FMNL2: variants seen among roughly 807,000 people sequenced by gnomAD.
The protein encoded by FMNL2 is formin like 2.
FMNL2 carries 51 observed loss-of-function variants against 130.2 expected under a neutral mutation model. The observed-to-expected ratio is 0.39, with a 90% CI of 0.31 to 0.49. The LOEUF (loss-of-function observed/expected upper bound fraction) is 0.49. Ranked by LOEUF, FMNL2 falls within the 20% of genes least tolerant of loss-of-function variation. The probability of loss-of-function intolerance (pLI) is 0.85; values close to 1 mark genes in which losing one functional copy is unlikely to be tolerated. For synonymous variants in FMNL2, 465 were observed against 467.1 expected (o/e 1.00, Z 0.06); for missense variants, 977 against 1,316.2 (o/e 0.74, Z 3.99).
At chr2:152,371,035 T>C (rs997044729) in intron 1 of FMNL2, among the ~76,000 whole-genome samples, 5 of 152,194 alleles carry the variant, frequency 3.3e-5, no homozygotes, top group African/African-American at 9.6e-5. Context: ...CCTAATGATA[T>C]AAAGCCTAAG....
rs1330894711 is a variant in FMNL2, at chr2:152,335,426, C to A, written c.-178C>A. 1.8e-5 allele frequency: 6 copies of A among 327,738 alleles called. No individual in the cohort carries two copies. Among genetic ancestry groups the A allele is most frequent in the Non-Finnish European group, 2.7e-5 (5 of 185,406 alleles). 20.3% of individuals were successfully genotyped at this position (327,738 alleles called of 1,614,324 possible). A position where few individuals can be genotyped will look rare whatever the true frequency, so the allele number is the denominator to read the frequency against. On this transcript the variant is annotated 5_prime_UTR_variant, in exon 1 of 26. Transcript: ENST00000288670. ...GAGCATGAGGGAGGCCGGGGGGCGG[C>A]TCGGCTTGGAGCGCTGCTAGGGAGC...
At chr2:152,550,876 G>A (rs771153148) in intron 4 of FMNL2, among the ~76,000 whole-genome samples, 1 of 152,240 alleles carries the variant, frequency 6.6e-6, no homozygotes. Context: ...GGTGGTTCAC[G>A]TCTGTAATCC....
intron 1 of FMNL2, among the ~76,000 whole-genome samples, chr2:152,339,317 C>T (rs560948113): frequency 6.6e-6 from 1 of 152,168 alleles, no homozygotes; most frequent in Non-Finnish European, 1.5e-5. Flanking sequence ...GGGTTACATA[C>T]ACACATCCAC....
intron 9 of FMNL2, among the ~76,000 whole-genome samples, chr2:152,590,653 A>G (rs1459228377): frequency 6.6e-6 from 1 of 152,078 alleles, no homozygotes; most frequent in Admixed American, 6.6e-5. Flanking sequence ...TAGCTGTTCA[A>G]ATAGTTATGA....
chr2:152,562,932 T>C (rs992228400), intron 6 of FMNL2, among the ~76,000 whole-genome samples: 7 of 152,212 alleles, frequency 4.6e-5, no homozygotes, highest in African/African-American at 1.7e-4. Context: ...GTATCATGTA[T>C]TGCCAAGCTA....
intron 9 of FMNL2, among the ~76,000 whole-genome samples, chr2:152,605,694 G>T (rs1009503551): frequency 5.3e-5 from 8 of 152,074 alleles, no homozygotes; most frequent in Admixed American, 5.2e-4. Context: ...ATTATTTTTT[G>T]TTAAGTCAGG....
At chr2:152,593,950 TGTAACTAA>T (rs1262585573) in intron 9 of FMNL2, among the ~76,000 whole-genome samples, 5 of 149,314 alleles carry the variant, frequency 3.3e-5, no homozygotes, top group African/African-American at 4.9e-5. Flanking sequence ...AAATGGGGAT[TGTAACTAA>T]GTAACTAAGG....
intron 9 of FMNL2, among the ~76,000 whole-genome samples, 170 bp from the exon 10 acceptor site, chr2:152,607,169 C>T (rs775634491): frequency 7.2e-5 from 11 of 151,992 alleles, no homozygotes; most frequent in Non-Finnish European, 1.6e-4. Context: ...CTTTTGGTTG[C>T]AGCTCATATG....
intron 1 of FMNL2, among the ~76,000 whole-genome samples, chr2:152,424,585 T>A (rs1159504026): frequency 6.6e-6 from 1 of 152,118 alleles, no homozygotes; most frequent in Admixed American, 6.5e-5. Context: ...GAGACAGGGC[T>A]TCACCATGTT....
intron 1 of FMNL2, among the ~76,000 whole-genome samples, chr2:152,403,896 C>T (rs1685841142): frequency 6.6e-6 from 1 of 152,114 alleles, no homozygotes; most frequent in African/African-American, 2.4e-5. Context: ...GGTGAAACCC[C>T]CTCTCTACTA....
At chr2:152,384,913 C>G (rs1404097591) in intron 1 of FMNL2, among the ~76,000 whole-genome samples, 4 of 152,204 alleles carry the variant, frequency 2.6e-5, no homozygotes, top group African/African-American at 9.7e-5. Flanking sequence ...TCTCCTCATC[C>G]TAACACAGTA....
chr2:152,632,239 G>A, intron 21 of FMNL2, 102 bp downstream of exon 21: 1 of 1,480,870 alleles, frequency 6.8e-7, no homozygotes, highest in Non-Finnish European at 9.0e-7. Flanking sequence ...CATTTAAAAA[G>A]CCAAGGCTAA....
At chr2:152,491,882 C>T (rs1056098168) in intron 1 of FMNL2, among the ~76,000 whole-genome samples, 8 of 152,056 alleles carry the variant, frequency 5.3e-5, no homozygotes, top group Non-Finnish European at 8.8e-5. Flanking sequence ...ACTCGGGAGG[C>T]GGAGGTTGCA....
chr2:152,645,518 C>T (rs1412875608), intron 25 of FMNL2: 2 of 1,289,680 alleles, frequency 1.6e-6, no homozygotes, highest in Admixed American at 2.3e-5. Context: ...GTGGAGGATA[C>T]ACAGAGCTGG....
At position 152,479,987 on chromosome 2, in the gene FMNL2, C is replaced by T. The variant is rs142423782; in HGVS notation, c.118-41956C>T. On this transcript the variant is annotated intron_variant, in intron 1 of 25. Coordinates refer to ENST00000288670, the MANE Select transcript of FMNL2 (RefSeq NM_052905.4). ...TATTGGCCTTGGCCTATAACTCGTT[C>T]GGCGGAAGAACATAAATGAATGTGA... Among the ~76,000 whole-genome samples, 811 of 152,098 alleles carry T rather than the reference C, an allele frequency of 5.3e-3. 3 individuals are homozygous for T. Among genetic ancestry groups the T allele is most frequent in the South Asian group, 0.026 (124 of 4,824 alleles).
At chr2:152,591,834 G>A (rs941013396) in intron 9 of FMNL2, among the ~76,000 whole-genome samples, 1 of 152,054 alleles carries the variant, frequency 6.6e-6, no homozygotes, top group East Asian at 1.9e-4. Context: ...GCCAGGTGCG[G>A]TGGCTAACGC....
At chr2:152,418,340 G>A (rs1014420085) in intron 1 of FMNL2, among the ~76,000 whole-genome samples, 4 of 151,992 alleles carry the variant, frequency 2.6e-5, no homozygotes, top group Non-Finnish European at 5.9e-5. Flanking sequence ...TTAAGCATAC[G>A]GTTCAGTGGC....
intron 1 of FMNL2, among the ~76,000 whole-genome samples, chr2:152,340,167 C>G (rs1431935819): frequency 6.6e-6 from 1 of 152,224 alleles, no homozygotes; most frequent in East Asian, 1.9e-4. Context: ...GCCTGGGTGA[C>G]AAAGTAAGAC....
rs530647305 is a variant in FMNL2 at position 152,614,737 on chromosome 2, C to T, written c.1063-114C>T. The T allele has an allele frequency of 1.1e-4, 124 of 1,161,418 alleles. 1 individual carries two copies. The East Asian group carries it at 3.0e-3, about 28-fold the overall frequency. 71.9% of individuals were successfully genotyped at this position (1,161,418 alleles called of 1,614,324 possible). ...CAGCCTGGGTGACAGAGTGAAACTCCATCTCAAAACAAAACAAAACAAAAC... is the reference window on the plus strand; with the variant it reads ...CAGCCTGGGTGACAGAGTGAAACTCTATCTCAAAACAAAACAAAACAAAAC... On this transcript the variant is annotated intron_variant, in intron 11 of 25. Coordinates refer to ENST00000288670, the MANE Select transcript of FMNL2 (RefSeq NM_052905.4).
Sources: allele counts gnomAD v4.1 joint callset (sites outside exome capture counted in the v4.1 genomes callset), GRCh38; gene constraint gnomAD v4.1.1; transcripts MANE v1.5; gene names NCBI Gene and HGNC (gene_info 2026-07-23, HGNC 2026-07-21).